The following TESMIN variants were observed in gnomAD, a reference collection of about 807,000 sequenced individuals.
The protein encoded by TESMIN is testis expressed metallothionein like protein, also known as CXC domain containing 2.
In TESMIN, 34 loss-of-function variants were observed where a neutral mutation model predicts 47.4. The ratio of observed to expected loss-of-function variants is 0.72; its 90% CI spans 0.55 to 0.96. The LOEUF is 0.96. Among genes scored for constraint, TESMIN ranks in the 40% least tolerant of loss-of-function variants. TESMIN has a pLI of 0.00. For missense variants in TESMIN, 610 were observed against 637.2 expected (o/e 0.96, Z 0.46); for synonymous variants, 278 against 258.9 (o/e 1.07, Z -0.71).
At chr11:68,727,689 G>A (rs981496776) in intron 6 of TESMIN, among the ~76,000 whole-genome samples, 2 of 152,130 alleles carry the variant, frequency 1.3e-5, no homozygotes, top group African/African-American at 4.8e-5. Flanking sequence ...CAAATTGAAG[G>A]TTTGTGTCAA....
intron 3 of TESMIN, among the ~76,000 whole-genome samples, chr11:68,745,708 A>C (rs921880054): frequency 3.3e-5 from 5 of 152,238 alleles, no homozygotes; most frequent in African/African-American, 1.2e-4. Flanking sequence ...AAGAACTATA[A>C]AGTTCTAAGA....
chr11:68,743,332 C>A (rs765160846), intron 4 of TESMIN, among the ~76,000 whole-genome samples: 1 of 150,480 alleles, frequency 6.6e-6, no homozygotes, highest in Non-Finnish European at 1.5e-5. Context: ...TCAGCCTCAA[C>A]CTTCTGGCCT....
chr11:68,744,116 C>T (rs912214457), intron 4 of TESMIN, among the ~76,000 whole-genome samples: 3 of 152,184 alleles, frequency 2.0e-5, no homozygotes, highest in African/African-American at 4.8e-5. Flanking sequence ...TTTATTCTGT[C>T]CCTGGACAGG....
intron 4 of TESMIN, among the ~76,000 whole-genome samples, chr11:68,744,529 A>G (rs1481668947): frequency 6.6e-6 from 1 of 152,236 alleles, no homozygotes; most frequent in Non-Finnish European, 1.5e-5. Context: ...ATCCTTTGTT[A>G]TTTCAGAACT....
In TESMIN at chr11:68,745,099, A is replaced by G. The variant is rs1169894826; in HGVS notation, c.643T>C (p.Leu215=). The G allele has an allele frequency of 6.3e-7, 1 of 1,578,690 alleles. No individual in the cohort carries two copies. The highest frequency in any genetic ancestry group is 1.4e-5 in the African/African-American group (1 of 72,630). The change falls in exon 4 of 10, where the codon TTG becomes CTG. Residue 215 remains leucine (L), a synonymous_variant. Coordinates refer to ENST00000255087, the MANE Select transcript of TESMIN (RefSeq NM_004923.3). ...KDSNPMVICQ[L]KGGTQMLCID... is the part of the protein sequence containing the mutation. ...CATAGCATTTGTGTGCCCCCTTTCA[A>G]TTGGCATATCACCTAAAATGAAAAA... is the stretch of plus-strand genomic sequence containing the variant.
At chr11:68,720,929 C>T (rs1946196518) in intron 6 of TESMIN, among the ~76,000 whole-genome samples, 1 of 152,082 alleles carries the variant, frequency 6.6e-6, no homozygotes, top group Admixed American at 6.5e-5. Flanking sequence ...TTCTGTAAAA[C>T]TATACATACT....
chr11:68,748,707 A>G (rs1235268641), intron 2 of TESMIN, among the ~76,000 whole-genome samples: 2 of 152,238 alleles, frequency 1.3e-5, no homozygotes, highest in African/African-American at 4.8e-5. Context: ...CATTTTATTA[A>G]TGAATCAGAA....
chr11:68,748,205 A>T (rs569157116), intron 2 of TESMIN, among the ~76,000 whole-genome samples: 27 of 152,354 alleles, frequency 1.8e-4, no homozygotes, highest in Admixed American at 3.9e-4. Context: ...ATCTTTCAAA[A>T]TGCAGATAGT....
intron 7 of TESMIN, among the ~76,000 whole-genome samples, chr11:68,713,729 T>C (rs1293507470): frequency 1.3e-5 from 2 of 152,208 alleles, no homozygotes; most frequent in Non-Finnish European, 2.9e-5. Context: ...CCAGCATTTC[T>C]GGGGCCCTCT....
Position 68,708,499 on chromosome 11 carries a change from G to T in TESMIN, c.1336C>A (p.Arg446=), listed in dbSNP as rs772941535. Residue 446 remains arginine, a splice_region_variant and synonymous_variant, in exon 10 of 10, where the codon CGG becomes AGG. Coordinates refer to ENST00000255087, the MANE Select transcript of TESMIN (RefSeq NM_004923.3). The stretch of plus-strand genomic sequence containing the variant: ...TCCCAGGAGATGCATGAGGAAGGCC[G>T]CCTGTCAGAAACAGAGCAGTTAAAG... ...SGLPRFSHDR[R]PSSCISWEVV... 6.2e-7 allele frequency: 1 copy of T among 1,604,252 alleles called. No individual in the cohort carries two copies. Among genetic ancestry groups the T allele is most frequent in the Non-Finnish European group, 8.5e-7 (1 of 1,175,840 alleles).
chr11:68,718,185 A>ACGCCTCACCTACAGCCCCCAGTCAGCCCC, intron 6 of TESMIN, among the ~76,000 whole-genome samples: 3 of 145,322 alleles, frequency 2.1e-5, no homozygotes, highest in African/African-American at 7.7e-5. Context: ...CAGTCAGCCC[A>ACGCCTCACCTACAGCCCCCAGTCAGCCCC]CACCTCATTC....
At chr11:68,747,097 A>G in intron 3 of TESMIN, 111 bp downstream of exon 3, 1 of 1,250,988 alleles carries the variant, frequency 8.0e-7, no homozygotes. Flanking sequence ...AAATCCTGAT[A>G]CAATACATAC....
chr11:68,708,693 G>A (rs927591361), intron 9 of TESMIN, among the ~76,000 whole-genome samples, 193 bp from the exon 10 acceptor site: 1 of 152,134 alleles, frequency 6.6e-6, no homozygotes, highest in Non-Finnish European at 1.5e-5. Context: ...CACCTTGGGA[G>A]GCCAAGGCAG....
In TESMIN at chr11:68,711,033, G is replaced by A; in HGVS notation, c.1175C>T (p.Ser392Phe). Reference sequence around the variant, plus strand: ...GCAACCAATGCATTTGCAAATAGAAGAACACATAATTTGGGCCTGGTAATA... The same window carrying A: ...GCAACCAATGCATTTGCAAATAGAAAAACACATAATTTGGGCCTGGTAATA... ...CECYEAQIMCSSICKCIGCKN... is the reference protein window; with the variant it reads ...CECYEAQIMCFSICKCIGCKN... The change falls in exon 9 of 10, where the codon TCT becomes TTT. Residue 392 changes from serine (S) to phenylalanine (F), a missense_variant. Physicochemically the swap from Ser to Phe is radical, Grantham distance 155. Coordinates refer to ENST00000255087, the MANE Select transcript of TESMIN (RefSeq NM_004923.3). 1 of 1,608,510 alleles carries A rather than the reference G, an allele frequency of 6.2e-7. No homozygotes were observed. The highest frequency in any genetic ancestry group is 8.5e-7 in the Non-Finnish European group (1 of 1,178,074).
intron 6 of TESMIN, among the ~76,000 whole-genome samples, chr11:68,726,593 T>C (rs1380539803): frequency 6.6e-6 from 1 of 152,238 alleles, no homozygotes; most frequent in Non-Finnish European, 1.5e-5. Flanking sequence ...AAGATAATTA[T>C]TTCATATTTT....
At position 68,738,503 on chromosome 11, in the gene TESMIN, C is replaced by A. The variant is rs186759624; in HGVS notation, c.917+197G>T. ...GCAGGTTATGGGCCAGACTTTCCAG[C>A]AGCCTTTGCAGCCCCAGTGAAACCA... On this transcript the variant is annotated intron_variant, in intron 6 of 9. Coordinates refer to ENST00000255087, the MANE Select transcript of TESMIN (RefSeq NM_004923.3). 6 of 1,377,360 alleles carry A rather than the reference C, an allele frequency of 4.4e-6. No homozygotes were observed. The Admixed American group carries it at 1.8e-4, about 42-fold the overall frequency. 85.3% of individuals were successfully genotyped at this position (1,377,360 alleles called of 1,614,324 possible). A position where few individuals can be genotyped will look rare whatever the true frequency, so the allele number is the denominator to read the frequency against.
Position 68,736,479 on chromosome 11 carries a change from CCAG to C in TESMIN, c.917+2218_917+2220del, listed in dbSNP as rs796345255. 4 of 985,376 alleles carry C rather than the reference CCAG, an allele frequency of 4.1e-6. No homozygotes were observed. The South Asian group carries it at 1.4e-4, about 35-fold the overall frequency. The allele number at this position is 985,376 out of a possible 1,614,324, so 61.0% of individuals were successfully genotyped here. ...TGGGAACTCACACGGAATGAAATAA[CCAG>C]CAAAACGTTCTCTGACTGCTTTCTT... On this transcript the variant is annotated intron_variant, in intron 6 of 9. Transcript: ENST00000255087.
intron 7 of TESMIN, 138 bp from the exon 8 acceptor site, chr11:68,713,545 C>A: frequency 1.1e-6 from 1 of 884,788 alleles, no homozygotes; most frequent in Non-Finnish European, 1.7e-6. Flanking sequence ...TCAGAAGGTG[C>A]AGCCCCTTCT....
chr11:68,707,360 A>G (rs1355119087), downstream of TESMIN: 1 of 155,904 alleles, frequency 6.4e-6, no homozygotes, highest in Non-Finnish European at 1.4e-5. Flanking sequence ...CAGAAACATG[A>G]AAGAATATTC....
Sources: gnomAD v4.1 joint callset for allele counts (sites outside exome capture counted in the v4.1 genomes callset) on GRCh38, gnomAD v4.1.1 for gene constraint, MANE v1.5 for transcripts, NCBI Gene and HGNC (gene_info 2026-07-23, HGNC 2026-07-21) for gene names.